Variants in EEFSEC observed in about 807,000 individuals in gnomAD.
EEFSEC encodes the protein selenocysteine-specific elongation factor.
Under a neutral mutation model 42.1 loss-of-function variants are expected in EEFSEC, and 43 were observed. That is an observed-to-expected ratio of 1.02 (90% confidence interval 0.80 to 1.32). EEFSEC has a LOEUF of 1.32. Among genes scored for constraint, EEFSEC ranks in the 40% most tolerant of loss-of-function variants. The pLI is 0.00. For synonymous variants in EEFSEC, 354 were observed against 339.1 expected (o/e 1.04, Z -0.48); for missense variants, 745 against 803.6 (o/e 0.93, Z 0.88).
At position 128,380,348 on chromosome 3, in the gene EEFSEC, C is replaced by T. The variant is rs574384312; in HGVS notation, c.1600+21975C>T. ...TTTGTTTTGAACTGTGAAAAACTTTCACCATACAGAGTACAGTAGACAGCC... is the reference window on the plus strand; with the variant it reads ...TTTGTTTTGAACTGTGAAAAACTTTTACCATACAGAGTACAGTAGACAGCC... On this transcript the variant is annotated intron_variant, in intron 6 of 6. Transcript: ENST00000254730. Among the ~76,000 whole-genome samples the T allele has an allele frequency of 1.6e-4, 24 of 152,308 alleles. No individual in the cohort carries two copies. The East Asian group carries it at 4.6e-3, about 29-fold the overall frequency.
intron 6 of EEFSEC, among the ~76,000 whole-genome samples, chr3:128,386,681 C>A (rs563496944): frequency 1.6e-3 from 250 of 152,250 alleles, no homozygotes; most frequent in Non-Finnish European, 2.9e-3. Context: ...TCTGGTGAGA[C>A]CTCAGGAAGC....
At chr3:128,264,921 C>G in intron 4 of EEFSEC, 140 bp downstream of exon 4, 2 of 1,013,500 alleles carry the variant, frequency 2.0e-6, no homozygotes, top group South Asian at 3.4e-5. Flanking sequence ...CACCTCCCCT[C>G]TGGCTGCCTG....
chr3:128,241,503 G>A (rs181069445), intron 1 of EEFSEC, among the ~76,000 whole-genome samples: 4 of 151,992 alleles, frequency 2.6e-5, no homozygotes, highest in East Asian at 1.9e-4. Context: ...GTGCCACCAC[G>A]CTGAACCAAT....
intron 6 of EEFSEC, among the ~76,000 whole-genome samples, chr3:128,382,752 A>G (rs1559950657): frequency 6.6e-6 from 1 of 150,890 alleles, no homozygotes; most frequent in South Asian, 2.1e-4. Context: ...GCCACTCTCA[A>G]CTCTTGCCCT....
At chr3:128,389,719 T>C (rs920379984) in intron 6 of EEFSEC, among the ~76,000 whole-genome samples, 3 of 152,260 alleles carry the variant, frequency 2.0e-5, no homozygotes, top group African/African-American at 7.2e-5. Context: ...CATGGCATGC[T>C]TGACCTTGGG....
At chr3:128,316,617 G>A (rs555336087) in intron 4 of EEFSEC, among the ~76,000 whole-genome samples, 17 of 152,326 alleles carry the variant, frequency 1.1e-4, no homozygotes, top group African/African-American at 4.1e-4. Flanking sequence ...GGACTGTCAC[G>A]TGGGCTGAAG....
intron 6 of EEFSEC, among the ~76,000 whole-genome samples, chr3:128,367,962 C>T (rs551295208): frequency 5.3e-5 from 8 of 152,364 alleles, no homozygotes; most frequent in Admixed American, 2.0e-4. Context: ...CTGGGAGAGC[C>T]GTGCCTCAGG....
chr3:128,154,741 G>C (rs1944342879), intron 1 of EEFSEC, among the ~76,000 whole-genome samples: 1 of 152,102 alleles, frequency 6.6e-6, no homozygotes, highest in Admixed American at 6.6e-5. Flanking sequence ...GAGCCACCAC[G>C]TCCGGCCTGT....
intron 6 of EEFSEC, among the ~76,000 whole-genome samples, chr3:128,375,001 A>G (rs1250060584): frequency 6.6e-6 from 1 of 152,230 alleles, no homozygotes; most frequent in Admixed American, 6.5e-5. Context: ...CTAAGGGCCC[A>G]ACATGAATTC....
At chr3:128,248,216 A>T (rs1158009860) in intron 2 of EEFSEC, among the ~76,000 whole-genome samples, 1 of 152,222 alleles carries the variant, frequency 6.6e-6, no homozygotes, top group Non-Finnish European at 1.5e-5. Context: ...GGAGACAGGG[A>T]TGCTTCCTCT....
In EEFSEC at chr3:128,172,878, C is replaced by T. The variant is rs186617600; in HGVS notation, c.316+19055C>T. On this transcript the variant is annotated intron_variant, in intron 1 of 6. Coordinates refer to ENST00000254730, the MANE Select transcript of EEFSEC (RefSeq NM_021937.5). ...GCAATCGAGGAGAAAAGCTGGGTTCCGAGGCTTAGCCCTGTATGAAATCAG... is the reference window on the plus strand; with the variant it reads ...GCAATCGAGGAGAAAAGCTGGGTTCTGAGGCTTAGCCCTGTATGAAATCAG... Among the ~76,000 whole-genome samples, 458 of 152,304 alleles carry T rather than the reference C, an allele frequency of 3.0e-3. 2 individuals carry two copies. Among genetic ancestry groups the T allele is most frequent in the Non-Finnish European group, 5.4e-3 (368 of 68,030 alleles).
At chr3:128,179,276 G>T (rs147374539) in intron 1 of EEFSEC, among the ~76,000 whole-genome samples, 3 of 152,160 alleles carry the variant, frequency 2.0e-5, no homozygotes, top group African/African-American at 7.2e-5. Context: ...GGGGAGGAAG[G>T]GGGAGAGGAA....
intron 4 of EEFSEC, among the ~76,000 whole-genome samples, chr3:128,300,775 C>T (rs2066758572): frequency 6.6e-6 from 1 of 151,976 alleles, no homozygotes; most frequent in African/African-American, 2.4e-5. Flanking sequence ...ACTTTCATAC[C>T]TTTCAGTACC....
intron 1 of EEFSEC, among the ~76,000 whole-genome samples, chr3:128,159,846 T>C (rs761499673): frequency 6.6e-6 from 1 of 152,222 alleles, no homozygotes; most frequent in East Asian, 1.9e-4. Context: ...CCCCTCATAC[T>C]TTCTCATGTC....
intron 1 of EEFSEC, among the ~76,000 whole-genome samples, chr3:128,243,760 G>A (rs1340365144): frequency 1.3e-5 from 2 of 152,156 alleles, no homozygotes; most frequent in East Asian, 1.9e-4. Flanking sequence ...CTTTAGATGG[G>A]AAGTGGGAGA....
chr3:128,393,547 G>A (rs566514265), intron 6 of EEFSEC, among the ~76,000 whole-genome samples: 5 of 149,162 alleles, frequency 3.4e-5, no homozygotes, highest in African/African-American at 7.3e-5. Flanking sequence ...CTCCAAGACC[G>A]GGGGGCAGCA....
chr3:128,294,754 A>G (rs1048576050), intron 4 of EEFSEC, among the ~76,000 whole-genome samples: 1 of 152,230 alleles, frequency 6.6e-6, no homozygotes, highest in Non-Finnish European at 1.5e-5. Context: ...GGGTATTCCC[A>G]TCAGAGGAAA....
At chr3:128,263,918 T>A (rs1216780606) in intron 3 of EEFSEC, among the ~76,000 whole-genome samples, 2 of 152,180 alleles carry the variant, frequency 1.3e-5, no homozygotes, top group African/African-American at 4.8e-5. Flanking sequence ...ATCCCCTTGT[T>A]TCTTCTTCTT....
rs1485615640 is a variant in EEFSEC, at chr3:128,358,220, A to G, written c.1447A>G (p.Met483Val). The change falls in exon 6 of 7, where the codon ATG becomes GTG. Residue 483 changes from methionine to valine, a missense_variant. By Grantham distance (21) the Met-to-Val change is conservative. Transcript: ENST00000254730. ...KHKHGLVERA[M>V]DDYSVIGRSL... ...GTGGCTGGGTGTGTGGGGACAGGCG[A>G]TGGATGACTACAGTGTGATCGGCCG... The G allele has an allele frequency of 1.2e-6, 2 of 1,613,886 alleles. No individual in the cohort carries two copies. Among genetic ancestry groups the G allele is most frequent in the Non-Finnish European group, 1.7e-6 (2 of 1,179,854 alleles).
Sources: allele counts gnomAD v4.1 joint callset (sites outside exome capture counted in the v4.1 genomes callset), GRCh38; gene constraint gnomAD v4.1.1; transcripts MANE v1.5; gene names NCBI Gene and HGNC (gene_info 2026-07-23, HGNC 2026-07-21).